PDE4A: variants seen among roughly 807,000 people sequenced by gnomAD.
PDE4A encodes 3',5'-cyclic-AMP phosphodiesterase 4A.
PDE4A carries 21 observed loss-of-function variants against 73.9 expected under a neutral mutation model. That is an observed-to-expected ratio of 0.28 (90% confidence interval 0.20 to 0.41). The LOEUF (loss-of-function observed/expected upper bound fraction) is 0.41. Ranked by LOEUF, PDE4A falls within the 10% of genes least tolerant of loss-of-function variation. The probability of loss-of-function intolerance (pLI) is 1.00; values close to 1 mark genes in which losing one functional copy is unlikely to be tolerated. For missense variants in PDE4A, 958 were observed against 1,211.4 expected, an observed-to-expected ratio of 0.79 and a Z score of 3.10; for synonymous variants, 463 against 505.4, an observed-to-expected ratio of 0.92 and a Z score of 1.13.
intron 1 of PDE4A, among the ~76,000 whole-genome samples, chr19:10,435,324 G>A (rs1011683203): frequency 1.9e-4 from 29 of 152,166 alleles, no homozygotes; most frequent in Admixed American, 1.4e-3. Flanking sequence ...GAGAGGGCGA[G>A]ACTTTGGGAA....
chr19:10,467,900 A>C lies in PDE4A; in HGVS notation c.*279A>C. On this transcript the variant is annotated 3_prime_UTR_variant, in exon 15 of 15. Transcript: ENST00000380702. ...TAATTGTAACATTTTTAGAAAAAGA[A>C]CAAAAAAAGAAAAAAAAAAGAAAGA... 3.3e-6 allele frequency: 1 copy of C among 301,978 alleles called. No homozygotes were observed. Among genetic ancestry groups the C allele is most frequent in the Admixed American group, 5.0e-5 (1 of 20,096 alleles). 18.7% of individuals were successfully genotyped at this position (301,978 alleles called of 1,614,324 possible).
At chr19:10,425,984 CAAAA>C (rs1168197109) in intron 1 of PDE4A, among the ~76,000 whole-genome samples, 7 of 48,384 alleles carry the variant, frequency 1.4e-4, no homozygotes, top group African/African-American at 3.7e-4. Context: ...GAGACCCTGT[CAAAA>C]AAAAAAAAAA....
chr19:10,452,254 A>G (rs2043102889), intron 6 of PDE4A, among the ~76,000 whole-genome samples: 1 of 152,006 alleles, frequency 6.6e-6, no homozygotes, highest in South Asian at 2.1e-4. Flanking sequence ...CCTGACCAGC[A>G]TGGAGAAACC....
At chr19:10,434,584 T>G (rs1044127574) in intron 1 of PDE4A, among the ~76,000 whole-genome samples, 2 of 151,148 alleles carry the variant, frequency 1.3e-5, no homozygotes, top group African/African-American at 4.9e-5. Flanking sequence ...GGTCTTCACA[T>G]AAGTTTGTTT....
chr19:10,436,572 C>A (rs531920200), intron 1 of PDE4A, among the ~76,000 whole-genome samples: 13 of 148,676 alleles, frequency 8.7e-5, no homozygotes, highest in Admixed American at 5.3e-4. Flanking sequence ...ACAACAAAAA[C>A]CAGGACCTAT....
chr19:10,466,103 A>G (rs997414158), intron 14 of PDE4A, among the ~76,000 whole-genome samples: 1 of 149,816 alleles, frequency 6.7e-6, no homozygotes, highest in Non-Finnish European at 1.5e-5. Flanking sequence ...CCCAGGTTCA[A>G]GCAATTCTCC....
Position 10,464,118 on chromosome 19 carries a change from G to A in PDE4A, c.1926+143G>A, listed in dbSNP as rs1379199832. Reference sequence around the variant, plus strand: ...GTTTTTGGTTTTGTTTTGTTTTTGAGACGGAGTCTCATTCTATTGCCCAGG... The same window carrying A: ...GTTTTTGGTTTTGTTTTGTTTTTGAAACGGAGTCTCATTCTATTGCCCAGG... On this transcript the variant is annotated intron_variant, in intron 14 of 14. Coordinates refer to ENST00000380702, the MANE Select transcript of PDE4A (RefSeq NM_001111307.2). 2.7e-6 allele frequency: 3 copies of A among 1,117,950 alleles called. No homozygotes were observed. In the Admixed American group the frequency reaches 6.5e-5, roughly 24 times the overall value. The allele number at this position is 1,117,950 out of a possible 1,614,324, so 69.3% of individuals were successfully genotyped here.
chr19:10,467,463 G>A lies in PDE4A; in HGVS notation c.2503G>A (p.Gly835Ser). The A allele has an allele frequency of 6.2e-7, 1 of 1,613,042 alleles. No homozygotes were observed. Among genetic ancestry groups the A allele is most frequent in the Non-Finnish European group, 8.5e-7 (1 of 1,179,738 alleles). ...CCTGTCTGTTTCAGAGCATGCCCCG[G>A]GCCTCCCGGGCCTCCCCTCCACGGC... ...RTLSVSEHAP[G>S]LPGLPSTAAE... Residue 835 changes from glycine (G) to serine (S), a missense_variant, in exon 15 of 15, where the codon GGC becomes AGC. Physicochemically the swap from Gly to Ser is moderately conservative, Grantham distance 56 (BLOSUM62 0). This residue lies in a region of PDE4A where 243 missense variants were observed against 245.9 expected (regional missense o/e 0.99). Transcript: ENST00000380702.
intron 4 of PDE4A, among the ~76,000 whole-genome samples, chr19:10,449,999 G>T (rs77240226): frequency 0.028 from 4,300 of 152,244 alleles, 204 homozygotes; most frequent in African/African-American, 0.098. Context: ...GAAGGCTAAG[G>T]CAGGAGGATA....
intron 10 of PDE4A, among the ~76,000 whole-genome samples, chr19:10,460,374 C>T (rs2043243550): frequency 6.6e-6 from 1 of 151,872 alleles, no homozygotes; most frequent in African/African-American, 2.4e-5. Flanking sequence ...TGGGGCACGC[C>T]TGTAATCCCA....
At position 10,446,889 on chromosome 19, in the gene PDE4A, T is replaced by C. The variant is rs576571780; in HGVS notation, c.512+480T>C. On this transcript the variant is annotated intron_variant, in intron 2 of 14. Transcript: ENST00000380702. ...GATTACAGGCGTGAGCCACCGCGCC[T>C]GGCCTCAGTTCCTTTTTTTTTTGAG... is the stretch of plus-strand genomic sequence containing the variant. Among the ~76,000 whole-genome samples, 264 of 151,616 alleles carry C rather than the reference T, an allele frequency of 1.7e-3. 1 individual carries two copies. The highest frequency in any genetic ancestry group is 6.1e-3 in the African/African-American group (251 of 41,342).
chr19:10,434,469 A>G (rs1405708450), intron 1 of PDE4A, among the ~76,000 whole-genome samples: 2 of 151,836 alleles, frequency 1.3e-5, no homozygotes, highest in African/African-American at 4.8e-5. Flanking sequence ...TGGCCTCCCA[A>G]AGTGCTGGGA....
rs540389794 is a variant in PDE4A, at chr19:10,466,325, G to A, written c.1927-562G>A. 7.4e-5 allele frequency among the ~76,000 whole-genome samples: 11 copies of A among 147,718 alleles called. No individual in the cohort carries two copies. The South Asian group carries it at 2.4e-3, about 32-fold the overall frequency. On this transcript the variant is annotated intron_variant, in intron 14 of 14. Transcript: ENST00000380702. The stretch of plus-strand genomic sequence containing the variant: ...CCAGGCACGATGGCGGGCGCCTGTA[G>A]TCCCAGCTACTCGGGAGGCTGAGGC...
chr19:10,417,874 G>T (rs936015348), upstream of PDE4A: 2 of 1,550,684 alleles, frequency 1.3e-6, no homozygotes, highest in African/African-American at 2.7e-5. Flanking sequence ...AGGTAGGTAG[G>T]AGAGGGAGCA....
At chr19:10,432,592 C>A in intron 1 of PDE4A, 1 of 1,509,022 alleles carries the variant, frequency 6.6e-7, no homozygotes, top group Non-Finnish European at 8.9e-7. Context: ...CGTGGCCAGT[C>A]AGTCCTCTCT....
Position 10,453,328 on chromosome 19 carries a change from A to G in PDE4A, c.784-1501A>G, listed in dbSNP as rs1025240167. 6.3e-7 allele frequency: 1 copy of G among 1,585,868 alleles called. No homozygotes were observed. Among genetic ancestry groups the G allele is most frequent in the African/African-American group, 1.3e-5 (1 of 74,366 alleles). On this transcript the variant is annotated intron_variant, in intron 6 of 14. Transcript: ENST00000380702. This position sits in a 1 kb window ranked among gnomAD's most constrained non-coding sequence, Gnocchi z 4.6. ...CCTTGGCTGGTGGGCTGGTGGGACC[A>G]GGTAGGAGAGTGCAGGGTAGGGGGT...
At chr19:10,456,895 C>G (rs1031688223) in intron 7 of PDE4A, among the ~76,000 whole-genome samples, 4 of 152,062 alleles carry the variant, frequency 2.6e-5, no homozygotes, top group Non-Finnish European at 4.4e-5. Context: ...ACCGCCCAGA[C>G]AAGCTCAAGA....
At chr19:10,432,649 A>G (rs1197659309) in intron 1 of PDE4A, 1 of 1,384,882 alleles carries the variant, frequency 7.2e-7, no homozygotes, top group Non-Finnish European at 9.7e-7. Flanking sequence ...GGGGGTGCTG[A>G]GTCTACCTGG....
chr19:10,417,667 G>A (rs776362287), upstream of PDE4A: 15 of 1,593,852 alleles, frequency 9.4e-6, no homozygotes, highest in Middle Eastern at 1.6e-4. Context: ...CAGAGGTCGA[G>A]GGAGACCCCC....
Sources: gnomAD v4.1 joint callset for allele counts (sites outside exome capture counted in the v4.1 genomes callset) on GRCh38, gnomAD v4.1.1 for gene constraint, gnomAD v4.1.1 regional missense constraint, Gnocchi (gnomAD v3.1) non-coding constraint, MANE v1.5 for transcripts, NCBI Gene and HGNC (gene_info 2026-07-23, HGNC 2026-07-21) for gene names.